Variants in ARB2A observed in about 807,000 individuals in gnomAD.
ARB2A encodes cotranscriptional regulator ARB2A.
the ARB2A span, among the ~76,000 whole-genome samples, chr5:93,654,671 A>C: frequency 6.6e-6 from 1 of 152,208 alleles, no homozygotes; most frequent in Non-Finnish European, 1.5e-5. Flanking sequence ...CCCTTGGCAT[A>C]AGACCCCTCC....
the ARB2A span, among the ~76,000 whole-genome samples, chr5:93,951,988 A>G: frequency 6.6e-6 from 1 of 152,212 alleles, no homozygotes; most frequent in Non-Finnish European, 1.5e-5. Context: ...CCAAGGTCAC[A>G]CATGATCTGT....
the ARB2A span, among the ~76,000 whole-genome samples, chr5:94,049,274 T>C: frequency 6.6e-6 from 1 of 152,236 alleles, no homozygotes; most frequent in Admixed American, 6.5e-5. Flanking sequence ...TCACAAGGCC[T>C]ACTCCTTTAT....
At chr5:93,835,793 T>C in the ARB2A span, among the ~76,000 whole-genome samples, 1 of 152,172 alleles carries the variant, frequency 6.6e-6, no homozygotes, top group Admixed American at 6.5e-5. Flanking sequence ...GATTTGCTAT[T>C]TACATTGGTG....
the ARB2A span, among the ~76,000 whole-genome samples, chr5:94,033,638 T>G: frequency 1.3e-5 from 2 of 152,166 alleles, no homozygotes; most frequent in African/African-American, 4.8e-5. Context: ...TTGGCCAGGC[T>G]GGTCTCAAAC....
chr5:93,964,504 T>C, the ARB2A span: 1 of 1,582,410 alleles, frequency 6.3e-7, no homozygotes, highest in Non-Finnish European at 8.6e-7. Flanking sequence ...CAGGAGCTCA[T>C]ATACATACTT....
At chr5:94,067,914 C>T in the ARB2A span, among the ~76,000 whole-genome samples, 6,781 of 152,168 alleles carry the variant, frequency 0.045, 217 homozygotes, top group Middle Eastern at 0.085. Flanking sequence ...AACCTGACTT[C>T]GAAATACATT....
At chr5:93,799,768 A>T in the ARB2A span, among the ~76,000 whole-genome samples, 1 of 152,112 alleles carries the variant, frequency 6.6e-6, no homozygotes, top group Non-Finnish European at 1.5e-5. Flanking sequence ...GATAAGGTCT[A>T]ACTAGGTAGT....
At chr5:93,691,571 C>T in the ARB2A span, among the ~76,000 whole-genome samples, 7 of 152,002 alleles carry the variant, frequency 4.6e-5, no homozygotes, top group South Asian at 2.1e-4. Flanking sequence ...CTGAAAGTGA[C>T]GGGGAGAATG....
chr5:94,055,970 T>A, the ARB2A span: 13 of 855,362 alleles, frequency 1.5e-5, no homozygotes, highest in East Asian at 1.1e-3. Context: ...ATACATTACT[T>A]CATTTGATCA....
At chr5:94,058,271 CA>C in the ARB2A span, among the ~76,000 whole-genome samples, 3 of 151,790 alleles carry the variant, frequency 2.0e-5, no homozygotes, top group African/African-American at 7.3e-5. Flanking sequence ...ATTTAAGCAC[CA>C]ACTTATTCTT....
At chr5:94,110,312 C>A in the ARB2A span, among the ~76,000 whole-genome samples, 1 of 152,236 alleles carries the variant, frequency 6.6e-6, no homozygotes, top group Admixed American at 6.5e-5. Context: ...TTCCCATCAC[C>A]TGAACACTAT....
the ARB2A span, chr5:93,740,533 T>G: frequency 6.5e-7 from 1 of 1,534,358 alleles, no homozygotes; most frequent in Non-Finnish European, 8.8e-7. Context: ...TTTTCCCTTC[T>G]TCTCCCCTCT....
the ARB2A span, among the ~76,000 whole-genome samples, chr5:94,089,815 T>C: frequency 6.6e-6 from 1 of 152,208 alleles, no homozygotes; most frequent in South Asian, 2.1e-4. Flanking sequence ...TCTATTGTAA[T>C]GGTAGTTATA....
At chr5:93,975,624 T>G in the ARB2A span, among the ~76,000 whole-genome samples, 1 of 152,000 alleles carries the variant, frequency 6.6e-6, no homozygotes, top group African/African-American at 2.4e-5. Context: ...CCCAGAGAGA[T>G]ATAAAAGATC....
chr5:93,663,314 TAC>T, the ARB2A span, among the ~76,000 whole-genome samples: 4 of 152,198 alleles, frequency 2.6e-5, no homozygotes, highest in African/African-American at 9.6e-5. Context: ...AACTTTTCTA[TAC>T]AGTTATTATT....
At chr5:93,928,161 G>C in the ARB2A span, among the ~76,000 whole-genome samples, 1 of 151,982 alleles carries the variant, frequency 6.6e-6, no homozygotes, top group African/African-American at 2.4e-5. Flanking sequence ...GCTGAGGTTG[G>C]TCTTTTGTAC....
At chr5:93,913,579 T>C in the ARB2A span, among the ~76,000 whole-genome samples, 1 of 151,842 alleles carries the variant, frequency 6.6e-6, no homozygotes, top group Non-Finnish European at 1.5e-5. Flanking sequence ...CTTACTTCCT[T>C]AGAAAAGGAT....
chr5:94,039,304 T>C, the ARB2A span, among the ~76,000 whole-genome samples: 1 of 151,970 alleles, frequency 6.6e-6, no homozygotes, highest in Non-Finnish European at 1.5e-5. Flanking sequence ...AGTCACAGGA[T>C]GAGATAGGAG....
chr5:93,778,563 T>C, the ARB2A span, among the ~76,000 whole-genome samples: 1 of 152,164 alleles, frequency 6.6e-6, no homozygotes. Context: ...CTCTTTTTTT[T>C]AAACAATTCA....
Sources: allele counts gnomAD v4.1 joint callset (sites outside exome capture counted in the v4.1 genomes callset), GRCh38; gene constraint gnomAD v4.1.1; transcripts MANE v1.5; gene names NCBI Gene and HGNC (gene_info 2026-07-23, HGNC 2026-07-21).